FAM193A: variants seen among roughly 807,000 people sequenced by gnomAD.
The protein encoded by FAM193A is protein FAM193A.
In FAM193A, 22 loss-of-function variants were observed where a neutral mutation model predicts 126.5. The ratio of observed to expected loss-of-function variants is 0.17; its 90% confidence interval spans 0.12 to 0.25. FAM193A has a LOEUF of 0.25. Among genes scored for constraint, FAM193A ranks in the 10% least tolerant of loss-of-function variants. The pLI, the probability that FAM193A is intolerant of heterozygous loss-of-function variation, is 1.00. For missense variants in FAM193A, 1,675 were observed against 1,672.8 expected, an observed-to-expected ratio of 1.00 and a Z score of -0.02; for synonymous variants, 761 against 646.8, an observed-to-expected ratio of 1.18 and a Z score of -2.68.
At chr4:2,573,837 C>G (rs1300885070) in intron 1 of FAM193A, among the ~76,000 whole-genome samples, 1 of 152,066 alleles carries the variant, frequency 6.6e-6, no homozygotes, top group Non-Finnish European at 1.5e-5. Context: ...TGAACAAGGC[C>G]TGAGGGAGAT....
At chr4:2,603,228 G>A (rs1577063200) in intron 2 of FAM193A, among the ~76,000 whole-genome samples, 2 of 148,272 alleles carry the variant, frequency 1.3e-5, no homozygotes, top group South Asian at 4.2e-4. Flanking sequence ...CTCGTGACCT[G>A]CCCACCTCGG....
At chr4:2,572,578 G>C (rs1284824204) in intron 1 of FAM193A, among the ~76,000 whole-genome samples, 2 of 152,042 alleles carry the variant, frequency 1.3e-5, no homozygotes, top group Non-Finnish European at 2.9e-5. Flanking sequence ...AGATAGGTTG[G>C]AGTTGTCAGT....
intron 1 of FAM193A, among the ~76,000 whole-genome samples, chr4:2,581,082 T>G (rs1739898687): frequency 6.6e-6 from 1 of 151,296 alleles, no homozygotes; most frequent in Non-Finnish European, 1.5e-5. Flanking sequence ...TGAGCTGAGA[T>G]TGCGCCACTG....
chr4:2,562,127 G>T (rs1361174933), intron 1 of FAM193A, among the ~76,000 whole-genome samples: 2 of 152,168 alleles, frequency 1.3e-5, no homozygotes, highest in South Asian at 4.2e-4. Context: ...TATGATAATT[G>T]TAATTGTCAC....
intron 1 of FAM193A, among the ~76,000 whole-genome samples, chr4:2,565,477 C>T (rs764481058): frequency 7.2e-5 from 11 of 151,846 alleles, no homozygotes; most frequent in East Asian, 1.9e-4. Context: ...AGGATGTTCT[C>T]GATCTCTGGA....
At chr4:2,729,919 T>C (rs550968300) in intron 20 of FAM193A, among the ~76,000 whole-genome samples, 1 of 152,164 alleles carries the variant, frequency 6.6e-6, no homozygotes, top group African/African-American at 2.4e-5. Flanking sequence ...GGCTTTATTA[T>C]TTTTGAGACG....
At chr4:2,719,753 A>AAAC (rs1486741159) in intron 20 of FAM193A, among the ~76,000 whole-genome samples, 1 of 150,620 alleles carries the variant, frequency 6.6e-6, no homozygotes, top group East Asian at 1.9e-4. Flanking sequence ...AAAAAAAAAA[A>AAAC]AAAAATCCTC....
At chr4:2,715,508 T>C in intron 19 of FAM193A, 1 of 988,410 alleles carries the variant, frequency 1.0e-6, no homozygotes, top group African/African-American at 1.7e-5. Context: ...GATGAATGCC[T>C]GGGAGAACCA....
chr4:2,570,369 G>A (rs1739220259), intron 1 of FAM193A, among the ~76,000 whole-genome samples: 1 of 152,150 alleles, frequency 6.6e-6, no homozygotes, highest in Non-Finnish European at 1.5e-5. Flanking sequence ...CTGAATCTAA[G>A]TTCAGAGAGT....
intron 5 of FAM193A, among the ~76,000 whole-genome samples, chr4:2,632,781 C>T (rs1340198572): frequency 2.0e-5 from 3 of 152,186 alleles, no homozygotes; most frequent in Non-Finnish European, 4.4e-5. Flanking sequence ...CGTCCTTCCT[C>T]TGGCATCTCT....
chr4:2,673,177 C>G (rs1714017483), intron 13 of FAM193A, among the ~76,000 whole-genome samples: 1 of 151,880 alleles, frequency 6.6e-6, no homozygotes, highest in East Asian at 1.9e-4. Flanking sequence ...TTTCTTTGTA[C>G]CAGTTATTCT....
chr4:2,729,623 C>T (rs1201100219), intron 20 of FAM193A, among the ~76,000 whole-genome samples: 1 of 152,196 alleles, frequency 6.6e-6, no homozygotes, highest in East Asian at 1.9e-4. Context: ...ATAATTGAGG[C>T]TGCTGCAGAC....
At chr4:2,715,411 C>A in intron 19 of FAM193A, 1 of 721,134 alleles carries the variant, frequency 1.4e-6, no homozygotes, top group Non-Finnish European at 1.7e-6. Flanking sequence ...TCCAGTGAGC[C>A]GAGATCATGC....
chr4:2,675,394 C>T (rs1427077624), intron 13 of FAM193A, among the ~76,000 whole-genome samples: 4 of 152,198 alleles, frequency 2.6e-5, no homozygotes, highest in African/African-American at 9.7e-5. Context: ...TTGCACAGTT[C>T]TATCAGCTTT....
intron 1 of FAM193A, among the ~76,000 whole-genome samples, chr4:2,571,189 A>G (rs1194134952): frequency 2.0e-5 from 3 of 152,162 alleles, no homozygotes; most frequent in East Asian, 1.9e-4. Flanking sequence ...TTTAGTTCAC[A>G]TTTCCCGTAA....
intron 19 of FAM193A, among the ~76,000 whole-genome samples, chr4:2,713,986 A>G (rs1181329136): frequency 6.6e-6 from 1 of 152,222 alleles, no homozygotes. Context: ...TTCTTACACC[A>G]AGATTTTATA....
At chr4:2,590,417 A>G (rs1035510256) in intron 1 of FAM193A, among the ~76,000 whole-genome samples, 2 of 132,552 alleles carry the variant, frequency 1.5e-5, no homozygotes, top group African/African-American at 5.5e-5. Flanking sequence ...GTGAGCCAAG[A>G]TGGCGCCACT....
chr4:2,541,705 A>C (rs1737243133), intron 1 of FAM193A, among the ~76,000 whole-genome samples: 1 of 152,110 alleles, frequency 6.6e-6, no homozygotes, highest in Non-Finnish European at 1.5e-5. Context: ...TGGCCTCCCA[A>C]AGTGCTGGGA....
At chr4:2,545,510 T>TC (rs1737492140) in intron 1 of FAM193A, among the ~76,000 whole-genome samples, 2 of 152,132 alleles carry the variant, frequency 1.3e-5, no homozygotes, top group African/African-American at 2.4e-5. Context: ...ATGTGTCTAT[T>TC]CCTTTCTGTA....
Sources: allele counts gnomAD v4.1 joint callset (sites outside exome capture counted in the v4.1 genomes callset), GRCh38; gene constraint gnomAD v4.1.1; transcripts MANE v1.5; gene names NCBI Gene and HGNC (gene_info 2026-07-23, HGNC 2026-07-21).